The following SPTB variants were observed in gnomAD, a reference collection of about 807,000 sequenced individuals.
SPTB encodes spectrin beta, erythrocytic.
Under a neutral mutation model 256.2 loss-of-function variants are expected in SPTB, and 45 were observed. The ratio of observed to expected loss-of-function variants is 0.18; its 90% CI spans 0.14 to 0.23. SPTB has a LOEUF of 0.23. SPTB is among the 10% of genes least tolerant of loss of function. The pLI is 1.00. For missense variants in SPTB, 2,715 were observed against 3,040.4 expected (o/e 0.89, Z 2.52); for synonymous variants, 1,231 against 1,243.1 (o/e 0.99, Z 0.21).
rs201267737 is a variant in SPTB at position 64,772,677 on chromosome 14, T to A, written c.5456A>T (p.Glu1819Val). The A allele has an allele frequency of 2.0e-4, 328 of 1,613,652 alleles. 1 individual carries two copies. In the East Asian group the frequency reaches 7.2e-3, roughly 36 times the overall value. Residue 1819 changes from glutamate (E) to valine (V), a missense_variant, in exon 26 of 36, where the codon GAG becomes GTG. Around this residue, in one of 4 missense-constraint regions of SPTB, gnomAD observed 2,239 missense variants for 2,384.4 expected, o/e 0.94. Coordinates refer to ENST00000644917, the MANE Select transcript of SPTB (RefSeq NM_001355436.2). The surrounding 1 kb of genome is among the most constrained non-coding windows in gnomAD (Gnocchi z 5.4). ...ILGLIDEKHR[E>V]LPEDVGLDAS... ...GTCCAGCCCCACGTCCTCGGGCAGC[T>A]CGCGGTGCTTCTCGTCGATGAGGCC...
At chr14:64,828,446 A>T (rs1050315647) in intron 1 of SPTB, among the ~76,000 whole-genome samples, 4 of 152,206 alleles carry the variant, frequency 2.6e-5, no homozygotes, top group African/African-American at 9.6e-5. Flanking sequence ...CACATCCTGC[A>T]CAGAGGCAAA....
chr14:64,818,231 G>C (rs1212617058), intron 2 of SPTB, among the ~76,000 whole-genome samples: 1 of 152,212 alleles, frequency 6.6e-6, no homozygotes, highest in Non-Finnish European at 1.5e-5. Context: ...ACAGGAGGAA[G>C]ACTGAGAAAG....
Position 64,802,230 on chromosome 14 carries a change from C to T in SPTB, c.562G>A (p.Ala188Thr). ...CAGCTGGTTCCCAGGGCATACCCTG[C>T]CGTCTTCATCTGACACCACAACAGC... ...ALLLWCQMKT[A>T]GYPHVNVTNF... The change falls in exon 5 of 36, where the codon GCA (alanine) becomes ACA (threonine). Residue 188 changes from alanine (A) to threonine (T), a missense_variant. By Grantham distance (58) the Ala-to-Thr change is moderately conservative. Coordinates refer to ENST00000644917, the MANE Select transcript of SPTB (RefSeq NM_001355436.2). This position sits in a 1 kb window ranked among gnomAD's most constrained non-coding sequence, Gnocchi z 5.1. 1.2e-6 allele frequency: 2 copies of T among 1,614,206 alleles called. No homozygotes were observed. The highest frequency in any genetic ancestry group is 3.3e-4 in the Middle Eastern group (2 of 6,062).
chr14:64,818,645 T>A (rs1459209097), intron 2 of SPTB, among the ~76,000 whole-genome samples: 1 of 152,110 alleles, frequency 6.6e-6, no homozygotes, highest in Non-Finnish European at 1.5e-5. Flanking sequence ...AGGATGGGCA[T>A]TCTGACTGGT....
chr14:64,794,094 C>A (rs939267129), intron 13 of SPTB, among the ~76,000 whole-genome samples: 1 of 151,946 alleles, frequency 6.6e-6, no homozygotes, highest in Non-Finnish European at 1.5e-5. Context: ...GGGGTTAGTT[C>A]TTAATAGAAA....
Position 64,785,499 on chromosome 14 carries a change from A to G in SPTB, c.3855+38T>C, listed in dbSNP as rs1275111029. The G allele has an allele frequency of 1.3e-6, 2 of 1,562,728 alleles. No homozygotes were observed. The highest frequency in any genetic ancestry group is 2.3e-5 in the East Asian group (1 of 44,192). ...GAGGGAACTCTGCTTCTAGAAAGGA[A>G]TCTCCAGGAAAGCAGCCACTCCTTG... On this transcript the variant is annotated intron_variant, in intron 18 of 35. Coordinates refer to ENST00000644917, the MANE Select transcript of SPTB (RefSeq NM_001355436.2). The surrounding 1 kb of genome is among the most constrained non-coding windows in gnomAD (Gnocchi z 4.4).
intron 2 of SPTB, among the ~76,000 whole-genome samples, chr14:64,815,218 C>G (rs2083167670): frequency 6.6e-6 from 1 of 152,090 alleles, no homozygotes; most frequent in African/African-American, 2.4e-5. Flanking sequence ...AGGGGAGAGG[C>G]AGGAGCCAAG....
At chr14:64,755,728 G>A (rs561654329) in intron 32 of SPTB, 1 of 152,106 alleles carries the variant, frequency 6.6e-6, no homozygotes, top group South Asian at 2.1e-4. Context: ...AGAGAGGAGG[G>A]GAAATATCTA....
rs2082655959 is a variant in SPTB, at chr14:64,790,800, C to A, written c.2804+919G>T. Among the ~76,000 whole-genome samples, 1 of 152,196 alleles carries A rather than the reference C, an allele frequency of 6.6e-6. No homozygotes were observed. Among genetic ancestry groups the A allele is most frequent in the Non-Finnish European group, 1.5e-5 (1 of 68,042 alleles). On this transcript the variant is annotated intron_variant, in intron 15 of 35. Transcript: ENST00000644917. This position sits in a 1 kb window ranked among gnomAD's most constrained non-coding sequence, Gnocchi z 4.8. Reference sequence around the variant, plus strand: ...CCACGGTAAAGACAGGGAATGCAGGCATTTGCGGTGTCCTCAAAGATCCTC... The same window carrying A: ...CCACGGTAAAGACAGGGAATGCAGGAATTTGCGGTGTCCTCAAAGATCCTC...
rs1453022525 is a variant in SPTB, at chr14:64,749,725, G to T, written c.6777-29C>A. ...GGAGGACAAAGGGTTTCCTGTCATGGAGACACCTCTGGAGGGGGCGCTGGG... is the reference window on the plus strand; with the variant it reads ...GGAGGACAAAGGGTTTCCTGTCATGTAGACACCTCTGGAGGGGGCGCTGGG... On this transcript the variant is annotated intron_variant, in intron 34 of 35. Coordinates refer to ENST00000644917, the MANE Select transcript of SPTB (RefSeq NM_001355436.2). The surrounding 1 kb of genome is among the most constrained non-coding windows in gnomAD (Gnocchi z 4.7). 6.2e-7 allele frequency: 1 copy of T among 1,611,888 alleles called. No homozygotes were observed. Among genetic ancestry groups the T allele is most frequent in the Admixed American group, 1.7e-5 (1 of 59,774 alleles).
chr14:64,879,478 C>T (rs952475927), intron 1 of SPTB, among the ~76,000 whole-genome samples: 6 of 152,230 alleles, frequency 3.9e-5, no homozygotes, highest in Non-Finnish European at 5.9e-5. Flanking sequence ...CACGCACCCC[C>T]GTCACCCTCT....
intron 8 of SPTB, among the ~76,000 whole-genome samples, chr14:64,800,242 G>A (rs1458932445): frequency 3.3e-5 from 5 of 152,246 alleles, no homozygotes; most frequent in African/African-American, 1.2e-4. Context: ...GCCACTAGGG[G>A]GCCAGGGTTT....
At chr14:64,870,191 G>C (rs987041115) in intron 1 of SPTB, among the ~76,000 whole-genome samples, 12 of 152,186 alleles carry the variant, frequency 7.9e-5, no homozygotes, top group African/African-American at 2.9e-4. Flanking sequence ...AAGGAAGAGG[G>C]GCTGTCAGGC....
At chr14:64,765,948 G>A (rs1424713656) in intron 32 of SPTB, among the ~76,000 whole-genome samples, 3 of 151,002 alleles carry the variant, frequency 2.0e-5, no homozygotes, top group African/African-American at 7.3e-5. Context: ...GTGGGTGTGA[G>A]TGTGTGGATG....
chr14:64,826,257 C>T lies in SPTB; in HGVS notation c.-51-3112G>A, dbSNP rs1273680794. 6.6e-6 allele frequency among the ~76,000 whole-genome samples: 1 copy of T among 152,118 alleles called. No homozygotes were observed. The highest frequency in any genetic ancestry group is 1.5e-5 in the Non-Finnish European group (1 of 68,026). On this transcript the variant is annotated intron_variant, in intron 1 of 35. Coordinates refer to ENST00000644917, the MANE Select transcript of SPTB (RefSeq NM_001355436.2). The surrounding 1 kb of genome is among the most constrained non-coding windows in gnomAD (Gnocchi z 4.4). ...ACAGATAGTTAACAAAAAGCAAACACGAAGATATGCCTGTCCAAAACCAGA... is the reference window on the plus strand; with the variant it reads ...ACAGATAGTTAACAAAAAGCAAACATGAAGATATGCCTGTCCAAAACCAGA...
In SPTB at chr14:64,827,043, C is replaced by T. The variant is rs1421639238; in HGVS notation, c.-51-3898G>A. Among the ~76,000 whole-genome samples, 2 of 152,212 alleles carry T rather than the reference C, an allele frequency of 1.3e-5. No individual in the cohort carries two copies. Among genetic ancestry groups the T allele is most frequent in the African/African-American group, 2.4e-5 (1 of 41,458 alleles). On this transcript the variant is annotated intron_variant, in intron 1 of 35. Transcript: ENST00000644917. The surrounding 1 kb of genome is among the most constrained non-coding windows in gnomAD (Gnocchi z 4.6). ...AGGTCCGATGCTAGGCTCAGAGCCT[C>T]AACCTCATGTGCTATGTCCAGTTAC... is the stretch of plus-strand genomic sequence containing the variant.
Position 64,793,203 on chromosome 14 carries a change from G to A in SPTB, c.2460C>T (p.Thr820=), listed in dbSNP as rs749246537. 1.9e-6 allele frequency: 3 copies of A among 1,612,596 alleles called. No individual in the cohort carries two copies. The highest frequency in any genetic ancestry group is 2.7e-5 in the African/African-American group (2 of 75,062). Residue 820 remains threonine (T), a synonymous_variant, in exon 14 of 36, where the codon ACC becomes ACT. Transcript: ENST00000644917. The surrounding 1 kb of genome is among the most constrained non-coding windows in gnomAD (Gnocchi z 7.0). ...GCTCCCGCAGGGCCTGCAGCCGATG[G>A]GTCACATCTGGGGAATCCCGAAACT... ...PEEFRDSPDV[T]HRLQALRELY...
At chr14:64,803,820 GCA>G in intron 3 of SPTB, 40 bp from the exon 4 acceptor site, 1 of 1,568,090 alleles carries the variant, frequency 6.4e-7, no homozygotes, top group Non-Finnish European at 8.7e-7. Context: ...TGGAGGGACT[GCA>G]CAGTCATCCC....
chr14:64,840,995 T>C (rs908711036), intron 1 of SPTB, among the ~76,000 whole-genome samples: 1 of 152,238 alleles, frequency 6.6e-6, no homozygotes, highest in Non-Finnish European at 1.5e-5. Flanking sequence ...TCGGCACAGC[T>C]GGAAAAACTG....
Sources: gnomAD v4.1 joint callset for allele counts (sites outside exome capture counted in the v4.1 genomes callset) on GRCh38, gnomAD v4.1.1 for gene constraint, gnomAD v4.1.1 regional missense constraint, Gnocchi (gnomAD v3.1) non-coding constraint, MANE v1.5 for transcripts, NCBI Gene and HGNC (gene_info 2026-07-23, HGNC 2026-07-21) for gene names.